NFIA: variants seen among roughly 807,000 people sequenced by gnomAD.
NFIA encodes nuclear factor 1 A-type.
NFIA carries 8 observed loss-of-function variants against 62.8 expected under a neutral mutation model. The observed-to-expected ratio is 0.13, with a 90% CI of 0.07 to 0.23. The LOEUF (loss-of-function observed/expected upper bound fraction) is 0.23, where lower values mean the gene tolerates loss of function less well. Among genes scored for constraint, NFIA ranks in the 10% least tolerant of loss-of-function variants. NFIA has a pLI of 1.00. For synonymous variants in NFIA, 235 were observed against 238.1 expected, an observed-to-expected ratio of 0.99 and a Z score of 0.12; for missense variants, 410 against 642.1, an observed-to-expected ratio of 0.64 and a Z score of 3.91.
At chr1:61,351,100 T>G (rs748233695) in intron 4 of NFIA, among the ~76,000 whole-genome samples, 4 of 152,220 alleles carry the variant, frequency 2.6e-5, no homozygotes, top group Non-Finnish European at 5.9e-5. Flanking sequence ...ACATGAGATA[T>G]TCAACACTTT....
chr1:61,441,168 A>C (rs113893186), intron 10 of NFIA, among the ~76,000 whole-genome samples: 2,854 of 152,288 alleles, frequency 0.019, 38 homozygotes, highest in Non-Finnish European at 0.031. Flanking sequence ...TCCATTTTAC[A>C]AAGGTGTTTT....
chr1:61,167,709 ATTTG>A (rs1289582258), intron 2 of NFIA, among the ~76,000 whole-genome samples: 2 of 152,174 alleles, frequency 1.3e-5, no homozygotes, highest in East Asian at 1.9e-4. Flanking sequence ...TCCTGTTGTT[ATTTG>A]TTTGAGCCAA....
chr1:61,125,097 A>G (rs1017197208), intron 2 of NFIA: 1 of 152,238 alleles, frequency 6.6e-6, no homozygotes, highest in Non-Finnish European at 1.5e-5. Context: ...TTTGTAAGTG[A>G]TAGATGTTGA....
At chr1:61,102,772 T>C (rs1347776666) in intron 2 of NFIA, among the ~76,000 whole-genome samples, 2 of 152,174 alleles carry the variant, frequency 1.3e-5, no homozygotes, top group Non-Finnish European at 1.5e-5. Context: ...TCCAACTCTG[T>C]CCAACATCTG....
At chr1:61,146,641 C>T (rs1190119101) in intron 2 of NFIA, among the ~76,000 whole-genome samples, 1 of 152,124 alleles carries the variant, frequency 6.6e-6, no homozygotes, top group Non-Finnish European at 1.5e-5. Context: ...GATTCTGTGT[C>T]ACGCTCTGTG....
Position 61,404,170 on chromosome 1 carries a change from C to T in NFIA, c.1142C>T (p.Pro381Leu). Residue 381 changes from proline (P) to leucine (L), a missense_variant, in exon 8 of 11, where the codon CCT becomes CTT. Pro to Leu is a moderately conservative substitution (Grantham distance 98). This residue lies in a region of NFIA where 298 missense variants were observed against 438.1 expected (regional missense o/e 0.68). Coordinates refer to ENST00000403491, the MANE Select transcript of NFIA (RefSeq NM_001134673.4). ...TCACCCATTATCCAGCAGCCTGGGC[C>T]TTACTTCTCACACCCAGCCATCCGC... ...PTSPIIQQPG[P>L]YFSHPAIRYH... 1 of 1,614,206 alleles carries T rather than the reference C, an allele frequency of 6.2e-7. No homozygotes were observed. Among genetic ancestry groups the T allele is most frequent in the South Asian group, 1.1e-5 (1 of 91,080 alleles).
chr1:61,198,477 T>C (rs1206559595), intron 2 of NFIA, among the ~76,000 whole-genome samples: 5 of 152,228 alleles, frequency 3.3e-5, no homozygotes, highest in Admixed American at 2.6e-4. Context: ...AGTGTGAAAG[T>C]ACTAGGGTCT....
At chr1:61,350,877 C>T (rs1254928534) in intron 4 of NFIA, among the ~76,000 whole-genome samples, 1 of 152,154 alleles carries the variant, frequency 6.6e-6, no homozygotes, top group Non-Finnish European at 1.5e-5. Context: ...AGGCCATTCC[C>T]TTGAACTTCT....
chr1:61,198,601 T>C (rs1035997764), intron 2 of NFIA, among the ~76,000 whole-genome samples: 2 of 152,228 alleles, frequency 1.3e-5, no homozygotes, highest in African/African-American at 4.8e-5. Context: ...TCATTCGTTC[T>C]TCACTCTCTA....
At chr1:61,347,625 C>T (rs1662312107) in intron 4 of NFIA, among the ~76,000 whole-genome samples, 2 of 152,172 alleles carry the variant, frequency 1.3e-5, no homozygotes, top group Admixed American at 6.5e-5. Flanking sequence ...TCTGATCTCA[C>T]AAGCCAATGG....
chr1:61,360,062 T>C (rs1262607896), intron 6 of NFIA, among the ~76,000 whole-genome samples: 1 of 152,218 alleles, frequency 6.6e-6, no homozygotes, highest in African/African-American at 2.4e-5. Context: ...TTGCAATATT[T>C]TTCCTATTAC....
chr1:61,125,083 A>G (rs1269678987), intron 2 of NFIA: 3 of 152,254 alleles, frequency 2.0e-5, no homozygotes, highest in African/African-American at 7.2e-5. Flanking sequence ...TTTTATTAAA[A>G]TAATTTGTAA....
intron 2 of NFIA, among the ~76,000 whole-genome samples, chr1:61,091,980 A>G (rs1211340279): frequency 6.6e-6 from 1 of 152,176 alleles, no homozygotes; most frequent in East Asian, 1.9e-4. Context: ...GGATAGAGGC[A>G]GGTTGCTATT....
chr1:61,226,213 C>T (rs1000751471), intron 2 of NFIA, among the ~76,000 whole-genome samples: 5 of 152,118 alleles, frequency 3.3e-5, no homozygotes, highest in South Asian at 2.1e-4. Context: ...ATGCTGTCGA[C>T]GTTAAGCAGC....
intron 2 of NFIA, among the ~76,000 whole-genome samples, chr1:61,264,158 A>C (rs889601103): frequency 2.0e-5 from 3 of 152,198 alleles, no homozygotes; most frequent in African/African-American, 7.2e-5. Context: ...AGAAAGGTTA[A>C]TCAATAGTCA....
chr1:61,077,753 G>A (rs1192352633), upstream of NFIA: 1 of 579,480 alleles, frequency 1.7e-6, no homozygotes, highest in Non-Finnish European at 2.7e-6. Flanking sequence ...GCACTTAAGT[G>A]ATTGCTGGGT....
At position 61,456,289 on chromosome 1, in the gene NFIA, C is replaced by G. The variant is rs1366779827; in HGVS notation, c.*969C>G. On this transcript the variant is annotated 3_prime_UTR_variant, in exon 11 of 11. Transcript: ENST00000403491. ...GACTCTAAATTATTGGGGTAAAAAA[C>G]AGCCTTGCAAGAAAAAGGGGAGCTA... is the stretch of plus-strand genomic sequence containing the variant. 3 of 151,602 alleles carry G rather than the reference C, an allele frequency of 2.0e-5. No individual in the cohort carries two copies. Among genetic ancestry groups the G allele is most frequent in the African/African-American group, 7.3e-5 (3 of 41,102 alleles). The allele number at this position is 151,602 out of a possible 1,614,324, so 9.4% of individuals were successfully genotyped here. A position where few individuals can be genotyped will look rare whatever the true frequency, so the allele number is the denominator to read the frequency against.
At chr1:61,406,451 A>G (rs1294767375) in intron 8 of NFIA, 111 bp from the exon 9 acceptor site, 18 of 890,910 alleles carry the variant, frequency 2.0e-5, no homozygotes, top group Non-Finnish European at 2.8e-5. Context: ...ATACTTAGTA[A>G]TTTACATTAA....
At chr1:61,337,825 G>A (rs934784683) in intron 4 of NFIA, among the ~76,000 whole-genome samples, 3 of 152,100 alleles carry the variant, frequency 2.0e-5, no homozygotes, top group East Asian at 1.9e-4. Context: ...TTTATTTTGC[G>A]CTAGTGTTTT....
Sources: allele counts gnomAD v4.1 joint callset (sites outside exome capture counted in the v4.1 genomes callset), GRCh38; gene constraint gnomAD v4.1.1; regional missense constraint gnomAD v4.1.1; transcripts MANE v1.5; gene names NCBI Gene and HGNC (gene_info 2026-07-23, HGNC 2026-07-21).